LRP2BP: variants seen among roughly 807,000 people sequenced by gnomAD.
The protein encoded by LRP2BP is LRP2 binding protein.
LRP2BP carries 38 observed loss-of-function variants against 45.2 expected under a neutral mutation model. That is an observed-to-expected ratio of 0.84 (90% CI 0.65 to 1.10). The LOEUF (loss-of-function observed/expected upper bound fraction) is 1.10, where lower values mean the gene tolerates loss of function less well. Ranked by LOEUF, LRP2BP falls within the 50% of genes least tolerant of loss-of-function variation. The probability of loss-of-function intolerance (pLI) is 0.00; values close to 1 mark genes in which losing one functional copy is unlikely to be tolerated. For synonymous variants in LRP2BP, 153 were observed against 153.9 expected (o/e 0.99, Z 0.04); for missense variants, 385 against 418.9 (o/e 0.92, Z 0.71).
At chr4:185,379,812 T>TTCTCTCTCTC (rs34458591) in intron 1 of LRP2BP, among the ~76,000 whole-genome samples, 4,167 of 149,772 alleles carry the variant, frequency 0.028, 82 homozygotes, top group South Asian at 0.049. Context: ...ACCTGCGCAC[T>TTCTCTCTCTC]TCTCTCTCTC....
intron 1 of LRP2BP, among the ~76,000 whole-genome samples, chr4:185,381,259 G>A (rs1458800975): frequency 6.6e-6 from 1 of 152,140 alleles, no homozygotes; most frequent in Non-Finnish European, 1.5e-5. Flanking sequence ...TGTGTTAGTT[G>A]TAATTTTTTT....
upstream of LRP2BP, chr4:185,396,733 T>G (rs1036690892): frequency 1.6e-6 from 1 of 611,136 alleles, no homozygotes; most frequent in Non-Finnish European, 2.9e-6. Context: ...AGGGTCCGGG[T>G]CGTTGAGGAT....
intron 1 of LRP2BP, among the ~76,000 whole-genome samples, chr4:185,385,928 TAAC>T (rs2095470557): frequency 7.2e-6 from 1 of 138,116 alleles, no homozygotes; most frequent in African/African-American, 2.8e-5. Flanking sequence ...GATAAAGAAA[TAAC>T]ATCATCTTAT....
At chr4:185,385,755 G>A (rs2095469313) in intron 1 of LRP2BP, among the ~76,000 whole-genome samples, 2 of 152,082 alleles carry the variant, frequency 1.3e-5, no homozygotes, top group African/African-American at 4.8e-5. Context: ...ACAAAAATTA[G>A]CTGGGTGCGG....
intron 1 of LRP2BP, among the ~76,000 whole-genome samples, chr4:185,385,907 G>GC (rs1554020212): frequency 0.032 from 2,465 of 76,260 alleles, 66 homozygotes; most frequent in South Asian, 0.069. Flanking sequence ...TCTCGGGGAG[G>GC]GGGGGGGGGA....
intron 1 of LRP2BP, among the ~76,000 whole-genome samples, chr4:185,380,200 A>G (rs1470779943): frequency 6.6e-6 from 1 of 152,160 alleles, no homozygotes; most frequent in East Asian, 1.9e-4. Flanking sequence ...TGTTTTGGGA[A>G]TTTTTAGCTT....
In LRP2BP at chr4:185,366,244, T is replaced by G. The variant is rs2095387759; in HGVS notation, c.*936A>C. On this transcript the variant is annotated 3_prime_UTR_variant, in exon 9 of 9. Transcript: ENST00000505916. ...TGTCATCTATATACGGAAAGCCTTTTGCTAATTTTAACAATATTTAATTGT... is the reference window on the plus strand; with the variant it reads ...TGTCATCTATATACGGAAAGCCTTTGGCTAATTTTAACAATATTTAATTGT... The G allele has an allele frequency of 6.6e-6, 1 of 152,258 alleles. No homozygotes were observed. 9.4% of individuals were successfully genotyped at this position (152,258 alleles called of 1,614,324 possible).
chr4:185,389,309 C>T lies in LRP2BP; in HGVS notation c.-22+5470G>A, dbSNP rs147055473. 4.2e-3 allele frequency among the ~76,000 whole-genome samples: 639 copies of T among 151,830 alleles called. 3 individuals carry two copies. Among genetic ancestry groups the T allele is most frequent in the African/African-American group, 0.014 (575 of 41,420 alleles). On this transcript the variant is annotated intron_variant, in intron 1 of 8. Coordinates refer to ENST00000505916, the MANE Select transcript of LRP2BP (RefSeq NM_001377440.1). The stretch of plus-strand genomic sequence containing the variant: ...CTGCAACCTCCACCTCCCAGGTTCA[C>T]GTGATTCTCCCACCTCAGCCTCCCA...
At chr4:185,376,539 C>T (rs970737601) in intron 3 of LRP2BP, among the ~76,000 whole-genome samples, 3 of 151,686 alleles carry the variant, frequency 2.0e-5, no homozygotes, top group Non-Finnish European at 4.4e-5. Context: ...GGTGATCCAC[C>T]TGCCTCGGCC....
At chr4:185,393,679 C>T (rs968289469) in intron 1 of LRP2BP, among the ~76,000 whole-genome samples, 4 of 152,014 alleles carry the variant, frequency 2.6e-5, no homozygotes, top group Admixed American at 2.6e-4. Flanking sequence ...GCACCTGCCA[C>T]CACGCCCGGC....
chr4:185,390,081 C>T (rs2095484134), intron 1 of LRP2BP, among the ~76,000 whole-genome samples: 1 of 152,216 alleles, frequency 6.6e-6, no homozygotes, highest in Non-Finnish European at 1.5e-5. Context: ...GTACAGAATT[C>T]TTTCCCCCAT....
intron 7 of LRP2BP, among the ~76,000 whole-genome samples, chr4:185,372,041 C>T (rs759443170): frequency 2.6e-5 from 4 of 152,150 alleles, no homozygotes; most frequent in African/African-American, 4.8e-5. Context: ...TGGAGCCTTA[C>T]GGACTCCGAG....
rs765774042 is a variant in LRP2BP at position 185,378,036 on chromosome 4, T to G, written c.106+45A>C. ...GTTTGCTCTAGCATGCAAAATGAAC[T>G]GTTAAAGTGTTTTCCAAGGGAAGCT... On this transcript the variant is annotated intron_variant, in intron 2 of 8. Transcript: ENST00000505916. The G allele has an allele frequency of 2.7e-6, 4 of 1,460,238 alleles. No homozygotes were observed. In the African/African-American group the frequency reaches 5.7e-5, roughly 21 times the overall value. The allele number at this position is 1,460,238 out of a possible 1,614,324, so 90.5% of individuals were successfully genotyped here. A position where few individuals can be genotyped will look rare whatever the true frequency, so the allele number is the denominator to read the frequency against.
Position 185,365,687 on chromosome 4 carries a change from A to AT in LRP2BP, c.*1492_*1493insA, listed in dbSNP as rs1554015776. The AT allele has an allele frequency of 1.7e-4, 24 of 144,932 alleles. No homozygotes were observed. Among genetic ancestry groups the AT allele is most frequent in the Middle Eastern group, 3.6e-3 (1 of 278 alleles). The allele number at this position is 144,932 out of a possible 1,614,324, so 9.0% of individuals were successfully genotyped here. A position where few individuals can be genotyped will look rare whatever the true frequency, so the allele number is the denominator to read the frequency against. On this transcript the variant is annotated 3_prime_UTR_variant, in exon 9 of 9. Transcript: ENST00000505916. ...GTCAGGAGACTCCGTCTCAAAAAAA[A>AT]AAAAATAATAATAATAATAATAATA...
Position 185,394,744 on chromosome 4 carries a change from C to T in LRP2BP, c.-22+35G>A. On this transcript the variant is annotated intron_variant, in intron 1 of 8. Transcript: ENST00000505916. ...TAGCAAACTCTTACTACTCAAGATT[C>T]AGCCCACACATCTCTCATCTATTCG... is the stretch of plus-strand genomic sequence containing the variant. 3 of 985,330 alleles carry T rather than the reference C, an allele frequency of 3.0e-6. No homozygotes were observed. In the South Asian group the frequency reaches 1.4e-4, roughly 46 times the overall value. The allele number at this position is 985,330 out of a possible 1,614,324, so 61.0% of individuals were successfully genotyped here.
chr4:185,373,706 T>C (rs1351451297), intron 6 of LRP2BP, among the ~76,000 whole-genome samples: 2 of 152,212 alleles, frequency 1.3e-5, no homozygotes, highest in African/African-American at 2.4e-5. Context: ...CCTTATAGGA[T>C]TTTTTGGAAA....
At chr4:185,374,566 A>G (rs1197554296) in intron 4 of LRP2BP, 105 bp from the exon 5 acceptor site, 1 of 1,208,738 alleles carries the variant, frequency 8.3e-7, no homozygotes. Flanking sequence ...GACACGATGT[A>G]TAATACTATG....
At chr4:185,369,356 T>TAC (rs1173813875) in intron 8 of LRP2BP, among the ~76,000 whole-genome samples, 96 of 147,650 alleles carry the variant, frequency 6.5e-4, no homozygotes, top group African/African-American at 2.3e-3. Context: ...TAGCTGGGTT[T>TAC]ACAGGCACAC....
chr4:185,395,430 C>T lies in LRP2BP; in HGVS notation c.-673G>A. On this transcript the variant is annotated 5_prime_UTR_variant, in exon 1 of 9. Coordinates refer to ENST00000505916, the MANE Select transcript of LRP2BP (RefSeq NM_001377440.1). Reference sequence around the variant, plus strand: ...AAGCTTCAACACGTGTTTTAAAAAGCAGTGCTTATTGAATTGATAAACAAA... The same window carrying T: ...AAGCTTCAACACGTGTTTTAAAAAGTAGTGCTTATTGAATTGATAAACAAA... The T allele has an allele frequency of 1.0e-6, 1 of 985,434 alleles. No individual in the cohort carries two copies. The highest frequency in any genetic ancestry group is 1.7e-5 in the African/African-American group (1 of 57,368). 61.0% of individuals were successfully genotyped at this position (985,434 alleles called of 1,614,324 possible).
Sources: gnomAD v4.1 joint callset for allele counts (sites outside exome capture counted in the v4.1 genomes callset) on GRCh38, gnomAD v4.1.1 for gene constraint, MANE v1.5 for transcripts, NCBI Gene and HGNC (gene_info 2026-07-23, HGNC 2026-07-21) for gene names.